SYCP2: variants seen among roughly 807,000 people sequenced by gnomAD.
SYCP2 encodes synaptonemal complex lateral element protein.
Under a neutral mutation model 211.3 loss-of-function variants are expected in SYCP2, and 55 were observed. That is an observed-to-expected ratio of 0.26 (90% CI 0.21 to 0.33). The LOEUF (loss-of-function observed/expected upper bound fraction) is 0.33. Among genes scored for constraint, SYCP2 ranks in the 10% least tolerant of loss-of-function variants. The probability of loss-of-function intolerance (pLI) is 1.00; values close to 1 mark genes in which losing one functional copy is unlikely to be tolerated. For synonymous variants in SYCP2, 570 were observed against 555.2 expected (o/e 1.03, Z -0.37); for missense variants, 1,731 against 1,752.0 (o/e 0.99, Z 0.21).
intron 2 of SYCP2, among the ~76,000 whole-genome samples, chr20:59,924,857 T>G (rs2060606108): frequency 1.3e-5 from 2 of 152,000 alleles, no homozygotes; most frequent in African/African-American, 4.8e-5. Context: ...TACACATGAC[T>G]TGACTTATGA....
chr20:59,897,805 C>T (rs904870318), intron 18 of SYCP2, among the ~76,000 whole-genome samples: 2 of 151,840 alleles, frequency 1.3e-5, no homozygotes, highest in Admixed American at 6.6e-5. Context: ...AAAAATGGGC[C>T]GGGTGCAGTG....
At position 59,920,465 on chromosome 20, in the gene SYCP2, T is replaced by A; in HGVS notation, c.191A>T (p.His64Leu). The A allele has an allele frequency of 6.2e-7, 1 of 1,604,562 alleles. No homozygotes were observed. Residue 64 changes from histidine to leucine, a missense_variant, in exon 5 of 45, where the codon CAC becomes CTC. Physicochemically the swap from His to Leu is moderately conservative, Grantham distance 99. Transcript: ENST00000357552. Reference sequence around the variant, plus strand: ...AGAAACCAAAATGGCTGAAACATTGTGGATATCCTCTTTATTAAGTTCCTG... The same window carrying A: ...AGAAACCAAAATGGCTGAAACATTGAGGATATCCTCTTTATTAAGTTCCTG... ...ICRELNKEDIHNVSAILVSVG... is the reference protein window; with the variant it reads ...ICRELNKEDILNVSAILVSVG...
chr20:59,926,918 A>T (rs1368787031), intron 2 of SYCP2, among the ~76,000 whole-genome samples: 1 of 152,126 alleles, frequency 6.6e-6, no homozygotes, highest in Non-Finnish European at 1.5e-5. Context: ...TTGCTGAAAT[A>T]TTTTCTCCAT....
At chr20:59,896,343 T>TGTAAATTATGTTCAGAATTGCC (rs2060006851) in intron 19 of SYCP2, 86 bp downstream of exon 19, 1 of 700,486 alleles carries the variant, frequency 1.4e-6, no homozygotes, top group Non-Finnish European at 2.4e-6. Context: ...TTATCCTTTA[T>TGTAAATTATGTTCAGAATTGCC]GTAAATTATG....
chr20:59,926,797 G>A (rs2060642323), intron 2 of SYCP2, among the ~76,000 whole-genome samples: 1 of 152,030 alleles, frequency 6.6e-6, no homozygotes, highest in Non-Finnish European at 1.5e-5. Context: ...TCATATAAGA[G>A]CTAGTAACCA....
Position 59,921,380 on chromosome 20 carries a change from T to C in SYCP2, c.98A>G (p.Asp33Gly). 1 of 1,607,636 alleles carries C rather than the reference T, an allele frequency of 6.2e-7. No homozygotes were observed. The highest frequency in any genetic ancestry group is 8.5e-7 in the Non-Finnish European group (1 of 1,176,304). Residue 33 changes from aspartate to glycine, a missense_variant, in exon 4 of 45, where the codon GAT becomes GGT. Physicochemically the swap from Asp to Gly is moderately conservative, Grantham distance 94 (BLOSUM62 -1). This residue lies in a region of SYCP2 where 335 missense variants were observed against 378.8 expected (regional missense o/e 0.88). Transcript: ENST00000357552. ...TTTAATCTTCACATCTTCACAAATA[T>C]CAATTTGCAAAAGTGTTTTCAAAGG... ...FKPLKTLLQI[D>G]ICEDVKIKCS...
chr20:59,890,884 G>A (rs1025781396), intron 24 of SYCP2, among the ~76,000 whole-genome samples: 1 of 151,788 alleles, frequency 6.6e-6, no homozygotes, highest in Admixed American at 6.6e-5. Context: ...TTTCCCCTGG[G>A]ACTGAGGGAA....
intron 2 of SYCP2, among the ~76,000 whole-genome samples, chr20:59,931,303 C>G (rs2060736099): frequency 6.6e-6 from 1 of 152,116 alleles, no homozygotes; most frequent in Non-Finnish European, 1.5e-5. Flanking sequence ...TGTGGTCTAG[C>G]TAATCAGGAG....
intron 32 of SYCP2, 99 bp from the exon 33 acceptor site, chr20:59,877,654 A>C: frequency 1.1e-6 from 1 of 946,930 alleles, no homozygotes; most frequent in South Asian, 1.6e-5. Context: ...TTTTACATAA[A>C]ATATTTGTAA....
chr20:59,887,742 AC>A (rs1180349838), intron 24 of SYCP2, among the ~76,000 whole-genome samples: 2 of 151,984 alleles, frequency 1.3e-5, no homozygotes, highest in Non-Finnish European at 2.9e-5. Context: ...AAAAGGAGAA[AC>A]CATTTCTTTG....
At chr20:59,870,702 T>C (rs556579146) in intron 35 of SYCP2, among the ~76,000 whole-genome samples, 1 of 151,630 alleles carries the variant, frequency 6.6e-6, no homozygotes, top group South Asian at 2.1e-4. Context: ...GGGCAGGGGG[T>C]ATGTAACACC....
intron 7 of SYCP2, among the ~76,000 whole-genome samples, chr20:59,917,605 A>T (rs1307520518): frequency 1.3e-5 from 2 of 151,996 alleles, no homozygotes; most frequent in African/African-American, 2.4e-5. Flanking sequence ...ATCAACGAAG[A>T]GGTAGGATTA....
At chr20:59,927,222 A>G (rs77475977) in intron 2 of SYCP2, among the ~76,000 whole-genome samples, 3,977 of 152,200 alleles carry the variant, frequency 0.026, 182 homozygotes, top group African/African-American at 0.091. Flanking sequence ...TGGACACTTA[A>G]ATCTTTCAGT....
In SYCP2 at chr20:59,888,033, T is replaced by C. The variant is rs538159138; in HGVS notation, c.2365-1199A>G. Among the ~76,000 whole-genome samples, 61 of 152,146 alleles carry C rather than the reference T, an allele frequency of 4.0e-4. No homozygotes were observed. The South Asian group carries it at 0.013, about 32-fold the overall frequency. On this transcript the variant is annotated intron_variant, in intron 24 of 44. Coordinates refer to ENST00000357552, the MANE Select transcript of SYCP2 (RefSeq NM_014258.4). ...AAAGAAATGGAATGAATACTTGATA[T>C]CCTACCAAAACACCAGAAAGAGTTC...
chr20:59,911,529 T>C (rs1330524992), intron 14 of SYCP2, among the ~76,000 whole-genome samples: 1 of 152,180 alleles, frequency 6.6e-6, no homozygotes, highest in Non-Finnish European at 1.5e-5. Flanking sequence ...AAAATGAGCA[T>C]TAAAACTCAG....
chr20:59,928,180 T>C (rs1759982028), intron 2 of SYCP2, among the ~76,000 whole-genome samples: 1 of 152,206 alleles, frequency 6.6e-6, no homozygotes, highest in Non-Finnish European at 1.5e-5. Flanking sequence ...ATGCTGTTTA[T>C]CAGAGGACCT....
chr20:59,888,947 T>C (rs1378590450), intron 24 of SYCP2, among the ~76,000 whole-genome samples: 1 of 151,940 alleles, frequency 6.6e-6, no homozygotes, highest in Non-Finnish European at 1.5e-5. Flanking sequence ...AGAGAAAAAC[T>C]ACAAAAGTCT....
intron 7 of SYCP2, among the ~76,000 whole-genome samples, chr20:59,917,670 C>G (rs940708321): frequency 6.6e-6 from 1 of 151,670 alleles, no homozygotes; most frequent in Non-Finnish European, 1.5e-5. Context: ...CTGAAGACAA[C>G]AAGTACCTTT....
chr20:59,907,003 A>T (rs969749932), intron 15 of SYCP2, among the ~76,000 whole-genome samples: 1 of 152,206 alleles, frequency 6.6e-6, no homozygotes, highest in African/African-American at 2.4e-5. Context: ...AATTTGTAAT[A>T]GTACTAGTCT....
Sources: allele counts gnomAD v4.1 joint callset (sites outside exome capture counted in the v4.1 genomes callset), GRCh38; gene constraint gnomAD v4.1.1; regional missense constraint gnomAD v4.1.1; transcripts MANE v1.5; gene names NCBI Gene and HGNC (gene_info 2026-07-23, HGNC 2026-07-21).